Variants in MTAP observed in about 807,000 individuals in gnomAD.
MTAP encodes the protein S-methyl-5'-thioadenosine phosphorylase.
Under a neutral mutation model 33.6 loss-of-function variants are expected in MTAP, and 33 were observed. That is an observed-to-expected ratio of 0.98 (90% CI 0.74 to 1.31). The LOEUF (loss-of-function observed/expected upper bound fraction) is 1.31, where lower values mean the gene tolerates loss of function less well. Ranked by LOEUF, MTAP falls within the 40% of genes most tolerant of loss-of-function variation. MTAP has a pLI of 0.00. For missense variants in MTAP, 367 were observed against 360.0 expected (o/e 1.02, Z -0.16); for synonymous variants, 148 against 125.7 (o/e 1.18, Z -1.19).
intron 1 of MTAP, among the ~76,000 whole-genome samples, chr9:21,907,565 C>T (rs1400039893): frequency 6.6e-6 from 1 of 151,838 alleles, no homozygotes; most frequent in Admixed American, 6.5e-5. Context: ...TCAAAAACAA[C>T]AACAAAAAAA....
At chr9:21,821,275 T>G (rs1587209938) in intron 4 of MTAP, among the ~76,000 whole-genome samples, 1 of 152,176 alleles carries the variant, frequency 6.6e-6, no homozygotes, top group Non-Finnish European at 1.5e-5. Flanking sequence ...CATAAATAGC[T>G]CTTATTATTT....
rs188749990 is a variant in MTAP at position 21,843,630 on chromosome 9, A to G, written c.450+5620A>G. ...TATACAAATACTTGGAAATGAAATA[A>G]TCTGCTCCTGAATGATCTTTAGGTC... On this transcript the variant is annotated intron_variant, in intron 5 of 7. Transcript: ENST00000644715. Among the ~76,000 whole-genome samples, 566 of 152,350 alleles carry G rather than the reference A, an allele frequency of 3.7e-3. 6 individuals carry two copies. Among genetic ancestry groups the G allele is most frequent in the African/African-American group, 0.013 (541 of 41,586 alleles).
intron 1 of MTAP, chr9:21,803,146 C>A: frequency 2.3e-6 from 1 of 426,808 alleles, no homozygotes; most frequent in Non-Finnish European, 4.0e-6. Context: ...TTCCTGAGAA[C>A]CACTCTTCTT....
chr9:21,937,350 A>T (rs1819058038), exon 8 of MTAP: 1 of 151,972 alleles, frequency 6.6e-6, no homozygotes, highest in African/African-American at 2.4e-5. Context: ...AAAAAAAAAG[A>T]GTCTTAATAT....
chr9:21,915,304 G>A (rs1308983822), intron 1 of MTAP, among the ~76,000 whole-genome samples: 3 of 151,680 alleles, frequency 2.0e-5, no homozygotes, highest in African/African-American at 7.3e-5. Context: ...TGTTAGCCAG[G>A]ATGGTCTCAA....
At chr9:21,836,388 G>T (rs539048583) in intron 4 of MTAP, among the ~76,000 whole-genome samples, 1 of 152,112 alleles carries the variant, frequency 6.6e-6, no homozygotes, top group Non-Finnish European at 1.5e-5. Context: ...AAACAAAGGC[G>T]GGGGTTCCAA....
intron 1 of MTAP, among the ~76,000 whole-genome samples, chr9:21,883,130 A>C (rs1455040135): frequency 1.3e-5 from 2 of 151,998 alleles, no homozygotes; most frequent in African/African-American, 2.4e-5. Context: ...TAACTGAAAA[A>C]AAAAACAAAA....
intron 4 of MTAP, among the ~76,000 whole-genome samples, chr9:21,822,811 C>G (rs1587212124): frequency 1.3e-5 from 2 of 152,158 alleles, no homozygotes; most frequent in East Asian, 3.9e-4. Context: ...AATCTGGGCT[C>G]CTGTATTGGG....
chr9:21,877,371 C>T (rs983300332), intron 1 of MTAP, among the ~76,000 whole-genome samples: 4 of 152,116 alleles, frequency 2.6e-5, no homozygotes, highest in African/African-American at 9.7e-5. Flanking sequence ...CCTGATTGCT[C>T]CAGCCAGGAC....
intron 5 of MTAP, among the ~76,000 whole-genome samples, chr9:21,844,859 A>G (rs576099349): frequency 8.1e-4 from 123 of 152,212 alleles, no homozygotes; most frequent in Middle Eastern, 6.8e-3. Flanking sequence ...GTGAAACCCC[A>G]TCTCTACTAA....
At chr9:21,872,123 G>A (rs1404165270) in intron 1 of MTAP, among the ~76,000 whole-genome samples, 5 of 152,038 alleles carry the variant, frequency 3.3e-5, no homozygotes, top group Admixed American at 1.3e-4. Context: ...CACCAGCCTG[G>A]CCAACATGGC....
rs566304199 is a variant in MTAP at position 21,931,080 on chromosome 9, G to A, written c.220G>A (p.Gly74Arg). 14 of 764,212 alleles carry A rather than the reference G, an allele frequency of 1.8e-5. No homozygotes were observed. The African/African-American group carries it at 2.2e-4, about 12-fold the overall frequency. The allele number at this position is 764,212 out of a possible 1,614,324, so 47.3% of individuals were successfully genotyped here. The change falls in exon 2 of 2, where the codon GGA becomes AGA. Residue 74 changes from glycine to arginine, a missense_variant. Transcript: ENST00000577563. ...TATTCAAGAGTCACCCTTCTACAGA[G>A]GACTCCTAGACTTCCCATCAGTGGG...
chr9:21,939,689 C>A (rs533426275), downstream of MTAP, among the ~76,000 whole-genome samples: 16 of 150,884 alleles, frequency 1.1e-4, no homozygotes, highest in Admixed American at 3.3e-4. Flanking sequence ...CATGGTGAAA[C>A]CCCAGCTCTA....
chr9:21,918,141 G>C (rs1818723626), intron 1 of MTAP, among the ~76,000 whole-genome samples: 1 of 147,616 alleles, frequency 6.8e-6, no homozygotes, highest in African/African-American at 2.7e-5. Flanking sequence ...ACGAGGTCAG[G>C]AGATCGAGAC....
chr9:21,855,346 G>A lies in MTAP; in HGVS notation c.690+476G>A, dbSNP rs12682848. 9.4e-4 allele frequency among the ~76,000 whole-genome samples: 143 copies of A among 152,300 alleles called. 1 individual carries two copies. Among genetic ancestry groups the A allele is most frequent in the African/African-American group, 3.4e-3 (140 of 41,566 alleles). Reference sequence around the variant, plus strand: ...GTCCTTAAGGAGCCGACATTCTGTCGGATGGAGATAGAAGTTAAGCAAACC... The same window carrying A: ...GTCCTTAAGGAGCCGACATTCTGTCAGATGGAGATAGAAGTTAAGCAAACC... On this transcript the variant is annotated intron_variant, in intron 6 of 7. Transcript: ENST00000644715.
At chr9:21,878,269 G>A (rs1826039256) in intron 1 of MTAP, among the ~76,000 whole-genome samples, 2 of 151,798 alleles carry the variant, frequency 1.3e-5, no homozygotes, top group African/African-American at 4.8e-5. Context: ...TTTAGCTAGT[G>A]GTTTATCAAT....
intron 1 of MTAP, among the ~76,000 whole-genome samples, chr9:21,894,753 T>C (rs561261192): frequency 6.6e-6 from 1 of 151,090 alleles, no homozygotes; most frequent in Non-Finnish European, 1.5e-5. Context: ...AATTAAAAAA[T>C]ATATATATAT....
At chr9:21,852,923 A>C (rs1354533660) in intron 5 of MTAP, among the ~76,000 whole-genome samples, 7 of 152,186 alleles carry the variant, frequency 4.6e-5, no homozygotes, top group Non-Finnish European at 8.8e-5. Context: ...TGGTACTTTC[A>C]CTACCACATC....
At chr9:21,849,051 C>G (rs1225355998) in intron 5 of MTAP, among the ~76,000 whole-genome samples, 1 of 151,742 alleles carries the variant, frequency 6.6e-6, no homozygotes, top group Non-Finnish European at 1.5e-5. Context: ...TAAGCAGAAA[C>G]TTCTAGGTCA....
Sources: gnomAD v4.1 joint callset for allele counts (sites outside exome capture counted in the v4.1 genomes callset) on GRCh38, gnomAD v4.1.1 for gene constraint, MANE v1.5 for transcripts, NCBI Gene and HGNC (gene_info 2026-07-23, HGNC 2026-07-21) for gene names.